The following GRID2 variants were observed in gnomAD, a reference collection of about 807,000 sequenced individuals.
GRID2 encodes the protein glutamate ionotropic receptor delta type subunit 2, also known as glutamate receptor ionotropic, delta-2.
GRID2 carries 33 observed loss-of-function variants against 114.8 expected under a neutral mutation model. The observed-to-expected ratio is 0.29, with a 90% CI of 0.22 to 0.38. GRID2 has a LOEUF of 0.38. Ranked by LOEUF, GRID2 falls within the 10% of genes least tolerant of loss-of-function variation. The pLI, the probability that GRID2 is intolerant of heterozygous loss-of-function variation, is 1.00. For missense variants in GRID2, 1,184 were observed against 1,257.7 expected (o/e 0.94, Z 0.89); for synonymous variants, 505 against 449.9 (o/e 1.12, Z -1.55).
At chr4:93,444,005 T>C (rs1721865440) in intron 10 of GRID2, among the ~76,000 whole-genome samples, 1 of 151,734 alleles carries the variant, frequency 6.6e-6, no homozygotes, top group African/African-American at 2.4e-5. Context: ...GAAGATAAAA[T>C]ACCTATATCA....
chr4:92,360,479 G>T (rs10032054), intron 1 of GRID2, among the ~76,000 whole-genome samples: 9,666 of 151,828 alleles, frequency 0.064, 920 homozygotes, highest in African/African-American at 0.21. Flanking sequence ...CCAGATTCTA[G>T]ACATAGAATA....
chr4:93,487,723 T>C (rs1210223594), intron 11 of GRID2, among the ~76,000 whole-genome samples: 2 of 151,952 alleles, frequency 1.3e-5, no homozygotes, highest in African/African-American at 4.8e-5. Flanking sequence ...TTTCCAAATA[T>C]GAAGCTATCT....
At chr4:93,644,596 C>T (rs2149712700) in intron 14 of GRID2, among the ~76,000 whole-genome samples, 1 of 152,184 alleles carries the variant, frequency 6.6e-6, no homozygotes, top group East Asian at 1.9e-4. Flanking sequence ...TCTAGGGAGC[C>T]TCTTATATTC....
intron 3 of GRID2, among the ~76,000 whole-genome samples, chr4:93,106,754 T>C (rs1003969221): frequency 2.6e-5 from 4 of 152,188 alleles, no homozygotes; most frequent in African/African-American, 9.7e-5. Flanking sequence ...AGCAAAACTA[T>C]TTATGCTTAA....
intron 1 of GRID2, among the ~76,000 whole-genome samples, chr4:92,383,552 C>T (rs926943228): frequency 6.6e-6 from 1 of 151,802 alleles, no homozygotes; most frequent in Admixed American, 6.6e-5. Flanking sequence ...ATAGAAAGCC[C>T]CCTTAAAAGA....
chr4:92,934,657 C>G (rs1750513213), intron 2 of GRID2, among the ~76,000 whole-genome samples: 1 of 146,494 alleles, frequency 6.8e-6, no homozygotes, highest in African/African-American at 2.4e-5. Context: ...GCTACAGTAA[C>G]CAAAACAGCA....
At chr4:93,680,340 A>G (rs1725389090) in intron 14 of GRID2, among the ~76,000 whole-genome samples, 1 of 151,920 alleles carries the variant, frequency 6.6e-6, no homozygotes, top group Non-Finnish European at 1.5e-5. Context: ...GCCGAATTCT[A>G]CCAGAGGTAC....
chr4:93,265,314 AC>A (rs1433980428), intron 8 of GRID2, among the ~76,000 whole-genome samples: 20 of 152,300 alleles, frequency 1.3e-4, no homozygotes, highest in African/African-American at 4.8e-4. Flanking sequence ...TCTTTTACTT[AC>A]AAGATTTAGG....
chr4:92,858,937 A>G (rs543545866), intron 2 of GRID2, among the ~76,000 whole-genome samples: 1 of 152,312 alleles, frequency 6.6e-6, no homozygotes, highest in African/African-American at 2.4e-5. Context: ...TATACTTTGA[A>G]CATTGTTGAA....
intron 13 of GRID2, among the ~76,000 whole-genome samples, chr4:93,556,142 A>G (rs1734295656): frequency 1.3e-5 from 2 of 152,198 alleles, no homozygotes; most frequent in African/African-American, 4.8e-5. Flanking sequence ...TAAGTCCACT[A>G]AGATGAGGAA....
At chr4:93,332,293 T>TGAGAGAGAGAGA (rs1182268164) in intron 8 of GRID2, among the ~76,000 whole-genome samples, 3,027 of 114,150 alleles carry the variant, frequency 0.027, 44 homozygotes, top group South Asian at 0.052. Context: ...TGTGTGTGTG[T>TGAGAGAGAGAGA]GTGTGTGAGA....
At chr4:93,205,870 T>A (rs577160041) in intron 4 of GRID2, among the ~76,000 whole-genome samples, 13 of 152,148 alleles carry the variant, frequency 8.5e-5, no homozygotes, top group Non-Finnish European at 1.8e-4. Flanking sequence ...TGAGATGGTA[T>A]CTCATTGTGG....
At chr4:93,293,349 T>A (rs976666733) in intron 8 of GRID2, among the ~76,000 whole-genome samples, 7 of 152,134 alleles carry the variant, frequency 4.6e-5, no homozygotes, top group Admixed American at 3.9e-4. Flanking sequence ...CATTCAATAC[T>A]AATAAGTAAA....
At chr4:93,736,912 G>A (rs960716654) in intron 14 of GRID2, among the ~76,000 whole-genome samples, 2 of 151,256 alleles carry the variant, frequency 1.3e-5, no homozygotes, top group African/African-American at 2.4e-5. Context: ...TGAGGTTGTG[G>A]ATGACCTTTG....
chr4:92,962,524 C>T (rs746149894), intron 2 of GRID2, among the ~76,000 whole-genome samples: 5 of 151,930 alleles, frequency 3.3e-5, no homozygotes, highest in Non-Finnish European at 7.4e-5. Context: ...TTCCCTTTCC[C>T]AGGTCATGTA....
intron 13 of GRID2, among the ~76,000 whole-genome samples, chr4:93,540,304 C>T (rs1165992330): frequency 6.6e-6 from 1 of 151,906 alleles, no homozygotes; most frequent in African/African-American, 2.4e-5. Context: ...TATGGATTGG[C>T]CTTTAACATT....
intron 1 of GRID2, among the ~76,000 whole-genome samples, chr4:92,579,152 G>A (rs371612041): frequency 9.2e-5 from 14 of 151,942 alleles, no homozygotes; most frequent in African/African-American, 2.9e-4. Context: ...TTATCCAAAC[G>A]TGACTTTTAT....
chr4:92,988,914 A>G (rs1466382828), intron 2 of GRID2, among the ~76,000 whole-genome samples: 2 of 152,168 alleles, frequency 1.3e-5, no homozygotes, highest in East Asian at 3.9e-4. Flanking sequence ...GTATCAAGGT[A>G]TTCTGTGTTT....
intron 14 of GRID2, among the ~76,000 whole-genome samples, chr4:93,760,140 GATCA>G (rs984678757): frequency 7.0e-4 from 107 of 152,278 alleles, no homozygotes; most frequent in African/African-American, 2.5e-3. Context: ...GGTTTGAAGT[GATCA>G]ATCAGTCAAT....
Sources: gnomAD v4.1 joint callset for allele counts (sites outside exome capture counted in the v4.1 genomes callset) on GRCh38, gnomAD v4.1.1 for gene constraint, MANE v1.5 for transcripts, NCBI Gene and HGNC (gene_info 2026-07-23, HGNC 2026-07-21) for gene names.